RO60: variants seen among roughly 807,000 people sequenced by gnomAD.
The protein encoded by RO60 is Ro60, Y RNA binding protein, also known as RNA-binding protein RO60.
Under a neutral mutation model 55.3 loss-of-function variants are expected in RO60, and 20 were observed. The ratio of observed to expected loss-of-function variants is 0.36; its 90% CI spans 0.25 to 0.53. The LOEUF (loss-of-function observed/expected upper bound fraction) is 0.53, where lower values mean the gene tolerates loss of function less well. RO60 is among the 20% of genes least tolerant of loss of function. RO60 has a pLI of 0.92. For missense variants in RO60, 558 were observed against 646.6 expected, an observed-to-expected ratio of 0.86 and a Z score of 1.49; for synonymous variants, 213 against 213.6, an observed-to-expected ratio of 1.00 and a Z score of 0.02.
At chr1:193,065,983 C>T (rs985837412) in intron 1 of RO60, among the ~76,000 whole-genome samples, 3 of 152,174 alleles carry the variant, frequency 2.0e-5, no homozygotes, top group Admixed American at 1.3e-4. Context: ...CTCTGAGACC[C>T]AGTCTTTCAT....
chr1:193,074,564 G>A (rs7534257), intron 2 of RO60, among the ~76,000 whole-genome samples: 98,506 of 152,002 alleles, frequency 0.65, 32,707 homozygotes, highest in Middle Eastern at 0.75. Flanking sequence ...CATATCCTTC[G>A]CCCACTTTTT....
rs12531 is a variant in RO60, at chr1:193,084,632, C to T, written c.1518C>T (p.Phe506=). ...LIVCGMTSNG[F]TIADPDDRGM... ...TTTGTGGAATGACATCAAATGGTTTCACCATTGCAGACCCAGATGATAGAG... is the reference window on the plus strand; with the variant it reads ...TTTGTGGAATGACATCAAATGGTTTTACCATTGCAGACCCAGATGATAGAG... The change falls in exon 9 of 9, where the codon TTC becomes TTT. Residue 506 remains phenylalanine, a synonymous_variant. Transcript: ENST00000400968. 21,087 of 1,613,714 alleles carry T rather than the reference C, an allele frequency of 0.013. 239 individuals carry two copies. Among genetic ancestry groups the T allele is most frequent in the South Asian group, 0.038 (3,505 of 91,050 alleles).
intron 1 of RO60, among the ~76,000 whole-genome samples, chr1:193,066,289 G>A (rs1183070641): frequency 2.6e-5 from 4 of 152,116 alleles, no homozygotes; most frequent in Non-Finnish European, 5.9e-5. Context: ...ATTGAAAAAG[G>A]TAAAAAGATT....
At position 193,084,967 on chromosome 1, in the gene RO60, A is replaced by G. The variant is rs1674557055; in HGVS notation, c.*236A>G. The G allele has an allele frequency of 1.3e-6, 2 of 1,545,028 alleles. No individual in the cohort carries two copies. The highest frequency in any genetic ancestry group is 1.7e-6 in the Non-Finnish European group (2 of 1,145,394). ...AGGATACTGTAGTTTCCTCTATCTAATAGAGAACTTTTTGTTAACAGACAC... is the reference window on the plus strand; with the variant it reads ...AGGATACTGTAGTTTCCTCTATCTAGTAGAGAACTTTTTGTTAACAGACAC... On this transcript the variant is annotated 3_prime_UTR_variant, in exon 9 of 9. Coordinates refer to ENST00000400968, the MANE Select transcript of RO60 (RefSeq NM_001173524.2).
At chr1:193,078,009 A>T (rs1674048816) in intron 5 of RO60, among the ~76,000 whole-genome samples, 2 of 152,232 alleles carry the variant, frequency 1.3e-5, no homozygotes. Context: ...TATATAACAA[A>T]ATACTAGCAA....
Position 193,059,861 on chromosome 1 carries a change from A to T in RO60, c.-22+85A>T. On this transcript the variant is annotated intron_variant, in intron 1 of 8. Transcript: ENST00000400968. The surrounding 1 kb of genome is among the most constrained non-coding windows in gnomAD (Gnocchi z 4.9). ...TTCTGACCAGTCCTCCATGTCTCTC[A>T]CCCGCATCCCAGGGGTTGAGGCTGG... 1 of 1,360,306 alleles carries T rather than the reference A, an allele frequency of 7.4e-7. No homozygotes were observed. The highest frequency in any genetic ancestry group is 9.8e-7 in the Non-Finnish European group (1 of 1,019,872). The allele number at this position is 1,360,306 out of a possible 1,614,324, so 84.3% of individuals were successfully genotyped here.
At chr1:193,091,549 C>T (rs1674858520), downstream of RO60, 1 of 940,796 alleles carries the variant, frequency 1.1e-6, no homozygotes, top group Non-Finnish European at 1.6e-6. Context: ...TGTAATTTTG[C>T]TGTTTTCTAA....
In RO60 at chr1:193,082,304, G is replaced by A. The variant is rs1432959877; in HGVS notation, c.1317+5G>A. 1.3e-6 allele frequency: 2 copies of A among 1,571,062 alleles called. No homozygotes were observed. Among genetic ancestry groups the A allele is most frequent in the African/African-American group, 2.7e-5 (2 of 73,142 alleles). On this transcript the variant is annotated splice_donor_5th_base_variant and intron_variant, in intron 7 of 8. Transcript: ENST00000400968. Reference sequence around the variant, plus strand: ...GTTTTAATGGCTATGAGTCAGGTAAGAAACTGTGTTTTTTAAGTTTACTTA... The same window carrying A: ...GTTTTAATGGCTATGAGTCAGGTAAAAAACTGTGTTTTTTAAGTTTACTTA...
chr1:193,074,079 T>G (rs1476629099), intron 2 of RO60, among the ~76,000 whole-genome samples: 1 of 152,198 alleles, frequency 6.6e-6, no homozygotes, highest in African/African-American at 2.4e-5. Flanking sequence ...ATCCTTTTTA[T>G]GGCTGCATAG....
chr1:193,085,228 C>G lies in RO60; in HGVS notation c.*497C>G. ...TATACCAAGGGGGTAAAAAAAAAAACTAAGGCATTTGATTAAATTATGAAT... is the reference window on the plus strand; with the variant it reads ...TATACCAAGGGGGTAAAAAAAAAAAGTAAGGCATTTGATTAAATTATGAAT... On this transcript the variant is annotated 3_prime_UTR_variant, in exon 9 of 9. Coordinates refer to ENST00000400968, the MANE Select transcript of RO60 (RefSeq NM_001173524.2). 8.6e-7 allele frequency: 1 copy of G among 1,159,908 alleles called. No individual in the cohort carries two copies. The highest frequency in any genetic ancestry group is 1.1e-6 in the Non-Finnish European group (1 of 938,384). 71.9% of individuals were successfully genotyped at this position (1,159,908 alleles called of 1,614,324 possible).
At position 193,084,761 on chromosome 1, in the gene RO60, A is replaced by G; in HGVS notation, c.*30A>G. On this transcript the variant is annotated 3_prime_UTR_variant, in exon 9 of 9. Coordinates refer to ENST00000400968, the MANE Select transcript of RO60 (RefSeq NM_001173524.2). ...AAGCAGCAGCACGATCCAGAGATCC[A>G]TTGCCATCAGTGATCTCACTAAAAA... The G allele has an allele frequency of 1.9e-6, 3 of 1,597,872 alleles. No individual in the cohort carries two copies. Among genetic ancestry groups the G allele is most frequent in the Non-Finnish European group, 2.6e-6 (3 of 1,173,650 alleles).
intron 5 of RO60, among the ~76,000 whole-genome samples, chr1:193,077,629 TTGAAC>T (rs1478207095): frequency 6.6e-6 from 1 of 152,160 alleles, no homozygotes; most frequent in Non-Finnish European, 1.5e-5. Context: ...GGTCCCACCC[TTGAAC>T]ATGTGGGGAT....
At chr1:193,082,789 G>C in intron 8 of RO60, 81 bp downstream of exon 8, 1 of 1,187,438 alleles carries the variant, frequency 8.4e-7, no homozygotes, top group Non-Finnish European at 1.2e-6. Context: ...TTTGGAGACA[G>C]GACCTCATTC....
At chr1:193,072,691 T>C (rs956464247) in intron 2 of RO60, among the ~76,000 whole-genome samples, 2 of 152,216 alleles carry the variant, frequency 1.3e-5, no homozygotes, top group East Asian at 3.8e-4. Flanking sequence ...TTTATTGGTT[T>C]GTTGAGATGT....
intron 2 of RO60, among the ~76,000 whole-genome samples, chr1:193,073,992 G>GT (rs1414946458): frequency 2.7e-5 from 4 of 149,898 alleles, no homozygotes; most frequent in African/African-American, 7.5e-5. Flanking sequence ...GCAGTGTTTC[G>GT]TTTTTTGTCC....
chr1:193,069,571 C>A lies in RO60; in HGVS notation c.517C>A (p.Gln173Lys). ...TGCTCTGGCAGTTACAAAATATAAA[C>A]AGAGAAATGGCTGGTCTCACAAAGA... is the stretch of plus-strand genomic sequence containing the variant. ...ALALAVTKYKQRNGWSHKDLL... is the reference protein window; with the variant it reads ...ALALAVTKYKKRNGWSHKDLL... Residue 173 changes from glutamine (Q) to lysine (K), a missense_variant, in exon 2 of 9, where the codon CAG becomes AAG. By Grantham distance (53) the Gln-to-Lys change is moderately conservative. Coordinates refer to ENST00000400968, the MANE Select transcript of RO60 (RefSeq NM_001173524.2). 4 of 1,614,132 alleles carry A rather than the reference C, an allele frequency of 2.5e-6. No homozygotes were observed. Among genetic ancestry groups the A allele is most frequent in the Non-Finnish European group, 3.4e-6 (4 of 1,180,038 alleles).
intron 1 of RO60, among the ~76,000 whole-genome samples, chr1:193,061,642 A>G (rs1364963325): frequency 1.3e-5 from 2 of 152,366 alleles, no homozygotes; most frequent in South Asian, 2.1e-4. Context: ...ATTAAATTTA[A>G]AAGTAGAGAA....
At chr1:193,074,618 A>G (rs965379753) in intron 2 of RO60, among the ~76,000 whole-genome samples, 2 of 152,044 alleles carry the variant, frequency 1.3e-5, no homozygotes, top group Non-Finnish European at 2.9e-5. Flanking sequence ...AGTTCTTTGT[A>G]GATTCTGGAT....
chr1:193,066,906 T>A (rs2103026599), intron 1 of RO60, among the ~76,000 whole-genome samples: 1 of 152,304 alleles, frequency 6.6e-6, no homozygotes, highest in South Asian at 2.1e-4. Flanking sequence ...TTTATCAGTT[T>A]TTTAGTTTGC....
Sources: allele counts gnomAD v4.1 joint callset (sites outside exome capture counted in the v4.1 genomes callset), GRCh38; gene constraint gnomAD v4.1.1; non-coding constraint Gnocchi (gnomAD v3.1); transcripts MANE v1.5; gene names NCBI Gene and HGNC (gene_info 2026-07-23, HGNC 2026-07-21).